Variants in CSMD1 observed in about 807,000 individuals in gnomAD.
The protein encoded by CSMD1 is CUB and sushi domain-containing protein 1.
In CSMD1, 213 loss-of-function variants were observed where a neutral mutation model predicts 417.5. The observed-to-expected ratio is 0.51, with a 90% CI of 0.46 to 0.57. The LOEUF is 0.57. CSMD1 is among the 20% of genes least tolerant of loss of function. The pLI is 0.00. For synonymous variants in CSMD1, 2,862 were observed against 1,736.8 expected, an observed-to-expected ratio of 1.65 and a Z score of -16.11; for missense variants, 6,923 against 4,529.7, an observed-to-expected ratio of 1.53 and a Z score of -15.17.
At chr8:3,398,567 C>A (rs1176255079) in intron 16 of CSMD1, among the ~76,000 whole-genome samples, 2 of 152,138 alleles carry the variant, frequency 1.3e-5, no homozygotes, top group Admixed American at 6.5e-5. Context: ...TCTTGAGACA[C>A]CATAATATTC....
chr8:4,988,575 T>C (rs1811299350), intron 1 of CSMD1, among the ~76,000 whole-genome samples: 1 of 152,238 alleles, frequency 6.6e-6, no homozygotes, highest in Admixed American at 6.5e-5. Context: ...TGTTATTCCT[T>C]GGTGGAATGT....
chr8:4,152,016 A>C (rs10100404), intron 3 of CSMD1, among the ~76,000 whole-genome samples: 1,950 of 152,230 alleles, frequency 0.013, 31 homozygotes, highest in African/African-American at 0.042. Context: ...AACGTAATCA[A>C]TGTGTTTAGC....
chr8:3,511,344 C>G (rs910934066), intron 10 of CSMD1, among the ~76,000 whole-genome samples: 6 of 150,674 alleles, frequency 4.0e-5, no homozygotes, highest in African/African-American at 7.4e-5. Flanking sequence ...CAAACCTGCA[C>G]GTTCTGCACA....
intron 51 of CSMD1, among the ~76,000 whole-genome samples, chr8:3,022,165 CGG>C (rs1563247800): frequency 1.7e-4 from 25 of 145,850 alleles, no homozygotes; most frequent in African/African-American, 6.4e-4. Context: ...CAACAGCATC[CGG>C]AATGCACCGG....
intron 49 of CSMD1, among the ~76,000 whole-genome samples, chr8:3,065,349 C>A (rs10093976): frequency 0.041 from 6,161 of 151,254 alleles, 437 homozygotes; most frequent in African/African-American, 0.14. Flanking sequence ...AAGATAGATA[C>A]ATAGATAAGT....
intron 3 of CSMD1, among the ~76,000 whole-genome samples, chr8:4,125,239 T>G (rs969709757): frequency 2.0e-5 from 3 of 152,198 alleles, no homozygotes; most frequent in African/African-American, 7.2e-5. Context: ...AGGGCCAACC[T>G]GCCTCCCATT....
rs545796795 is a variant in CSMD1, at chr8:4,465,996, A to C, written c.303-45931T>G. Among the ~76,000 whole-genome samples the C allele has an allele frequency of 4.6e-5, 7 of 152,340 alleles. No individual in the cohort carries two copies. In the South Asian group the frequency reaches 1.4e-3, roughly 32 times the overall value. Reference sequence around the variant, plus strand: ...CAAGGACAGATGGGAAAAGACTGAGACATTAAAGATGTGCAATCACATTTG... The same window carrying C: ...CAAGGACAGATGGGAAAAGACTGAGCCATTAAAGATGTGCAATCACATTTG... On this transcript the variant is annotated intron_variant, in intron 2 of 69. Coordinates refer to ENST00000635120, the MANE Select transcript of CSMD1 (RefSeq NM_033225.6).
At position 3,818,687 on chromosome 8, in the gene CSMD1, C is replaced by A. The variant is rs181326877; in HGVS notation, c.819-64645G>T. Among the ~76,000 whole-genome samples, 310 of 152,268 alleles carry A rather than the reference C, an allele frequency of 2.0e-3. 1 individual carries two copies. The highest frequency in any genetic ancestry group is 6.9e-3 in the African/African-American group (285 of 41,556). ...CAGCAATGATGACCTTCTGAAGAAA[C>A]GGCAGTCAACAAAGGAAGGGAGATG... On this transcript the variant is annotated intron_variant, in intron 5 of 69. Transcript: ENST00000635120.
At chr8:3,803,105 T>C (rs1239008414) in intron 5 of CSMD1, among the ~76,000 whole-genome samples, 2 of 152,206 alleles carry the variant, frequency 1.3e-5, no homozygotes, top group South Asian at 4.1e-4. Flanking sequence ...TGCAGTGTTC[T>C]CTCCATCATG....
chr8:4,862,016 G>A (rs1802165751), intron 1 of CSMD1, among the ~76,000 whole-genome samples: 1 of 152,060 alleles, frequency 6.6e-6, no homozygotes, highest in Non-Finnish European at 1.5e-5. Flanking sequence ...GGATTTTGGA[G>A]TTACTGAACA....
intron 2 of CSMD1, among the ~76,000 whole-genome samples, chr8:4,600,940 T>C (rs1035269429): frequency 6.7e-6 from 1 of 149,006 alleles, no homozygotes; most frequent in Admixed American, 6.9e-5. Context: ...TTCCAAAAAA[T>C]TTCCCTCTTA....
chr8:4,647,574 C>G, intron 1 of CSMD1, among the ~76,000 whole-genome samples: 1 of 152,100 alleles, frequency 6.6e-6, no homozygotes, highest in East Asian at 1.9e-4. Context: ...TCATCCCCCA[C>G]CCCCCAATAT....
rs550050694 is a variant in CSMD1, at chr8:2,966,628, G to C, written c.9042C>G (p.Leu3014=). The change falls in exon 58 of 70, where the codon CTC becomes CTG. Residue 3014 remains leucine, a synonymous_variant. Coordinates refer to ENST00000635120, the MANE Select transcript of CSMD1 (RefSeq NM_033225.6). ...CATTGGCTGTGCAATGCCGTGTCAT[G>C]AGCCCTGAGGTCTTGTAGCCTTCCC... is the stretch of plus-strand genomic sequence containing the variant. ...ACWEGYKTSG[L]MTRHCTANGT... 20 of 1,613,758 alleles carry C rather than the reference G, an allele frequency of 1.2e-5. No individual in the cohort carries two copies. In the Admixed American group the frequency reaches 1.5e-4, roughly 12 times the overall value.
chr8:4,197,414 A>G (rs1799401933), intron 3 of CSMD1, among the ~76,000 whole-genome samples: 1 of 152,204 alleles, frequency 6.6e-6, no homozygotes, highest in African/African-American at 2.4e-5. Flanking sequence ...TTCATTTGGT[A>G]GAATGAGTAA....
In CSMD1 at chr8:4,444,346, C is replaced by CAAAAAAAA. The variant is rs112028005; in HGVS notation, c.303-24289_303-24282dup. On this transcript the variant is annotated intron_variant, in intron 2 of 69. Coordinates refer to ENST00000635120, the MANE Select transcript of CSMD1 (RefSeq NM_033225.6). Reference sequence around the variant, plus strand: ...TGGGCTACAGAGTGAGACTCCATCTCAAAAAAAAAAAAAAAAAAAAAAAAA... The same window carrying CAAAAAAAA: ...TGGGCTACAGAGTGAGACTCCATCTCAAAAAAAAAAAAAAAAAAAAAAAAAAAAAAAAA... Among the ~76,000 whole-genome samples the CAAAAAAAA allele has an allele frequency of 3.3e-3, 153 of 46,276 alleles. 34 individuals carry two copies. The highest frequency in any genetic ancestry group is 3.9e-3 in the Non-Finnish European group (91 of 23,120). The allele number at this position is 46,276 out of a possible 152,430, so 30.4% of individuals were successfully genotyped here. A position where few individuals can be genotyped will look rare whatever the true frequency, so the allele number is the denominator to read the frequency against.
At chr8:4,534,420 C>A (rs1370776167) in intron 2 of CSMD1, among the ~76,000 whole-genome samples, 1 of 152,184 alleles carries the variant, frequency 6.6e-6, no homozygotes, top group Admixed American at 6.5e-5. Flanking sequence ...CACCTTTACT[C>A]TCTTGCCAGA....
chr8:3,419,600 A>G (rs1813362116), intron 12 of CSMD1, among the ~76,000 whole-genome samples: 1 of 152,176 alleles, frequency 6.6e-6, no homozygotes, highest in East Asian at 1.9e-4. Context: ...ACGTCTGGCC[A>G]ATTGCTATAG....
chr8:3,498,531 A>G (rs1170911792), intron 10 of CSMD1, among the ~76,000 whole-genome samples: 1 of 152,194 alleles, frequency 6.6e-6, no homozygotes, highest in East Asian at 1.9e-4. Flanking sequence ...CTGGATCTGA[A>G]TGCACATATT....
chr8:3,645,835 A>T (rs1374045822), intron 7 of CSMD1, among the ~76,000 whole-genome samples: 1 of 152,212 alleles, frequency 6.6e-6, no homozygotes, highest in African/African-American at 2.4e-5. Flanking sequence ...CTACAAGAAG[A>T]ATCACTCCAT....
Sources: allele counts gnomAD v4.1 joint callset (sites outside exome capture counted in the v4.1 genomes callset), GRCh38; gene constraint gnomAD v4.1.1; transcripts MANE v1.5; gene names NCBI Gene and HGNC (gene_info 2026-07-23, HGNC 2026-07-21).